Variants in LHFPL4 observed in about 807,000 individuals in gnomAD.
The protein encoded by LHFPL4 is LHFPL tetraspan subfamily member 4 protein.
LHFPL4 carries 6 observed loss-of-function variants against 20.0 expected under a neutral mutation model. The ratio of observed to expected loss-of-function variants is 0.30; its 90% CI spans 0.16 to 0.59. LHFPL4 has a LOEUF of 0.59. Among genes scored for constraint, LHFPL4 ranks in the 20% least tolerant of loss-of-function variants. The pLI is 0.88. For missense variants in LHFPL4, 215 were observed against 331.2 expected, an observed-to-expected ratio of 0.65 and a Z score of 2.72; for synonymous variants, 129 against 143.8, an observed-to-expected ratio of 0.90 and a Z score of 0.74.
chr3:9,534,841 G>A (rs2046435690), intron 2 of LHFPL4, among the ~76,000 whole-genome samples: 1 of 152,158 alleles, frequency 6.6e-6, no homozygotes, highest in Non-Finnish European at 1.5e-5. Context: ...TCTTTTGACT[G>A]AGCTTGCCAA....
intron 2 of LHFPL4, among the ~76,000 whole-genome samples, chr3:9,520,561 C>G (rs941861431): frequency 3.3e-5 from 5 of 152,034 alleles, no homozygotes; most frequent in African/African-American, 9.7e-5. Context: ...ACCATGCTAG[C>G]CAGGTTTGTC....
intron 2 of LHFPL4, among the ~76,000 whole-genome samples, chr3:9,535,530 A>AT (rs2046439459): frequency 6.8e-6 from 1 of 146,046 alleles, no homozygotes; most frequent in East Asian, 1.9e-4. Flanking sequence ...TTCTGCTCAA[A>AT]ATATATTCTC....
At chr3:9,540,289 T>C (rs9864333) in intron 2 of LHFPL4, among the ~76,000 whole-genome samples, 3,506 of 152,278 alleles carry the variant, frequency 0.023, 127 homozygotes, top group African/African-American at 0.079. Flanking sequence ...CCAAGATGTA[T>C]TGTTGAGTGA....
At chr3:9,518,065 A>G (rs1173755948) in intron 2 of LHFPL4, among the ~76,000 whole-genome samples, 3 of 152,034 alleles carry the variant, frequency 2.0e-5, no homozygotes, top group African/African-American at 4.8e-5. Flanking sequence ...TTTTTTGGCA[A>G]CTTGAGAAAA....
chr3:9,517,097 C>G (rs1188984469), intron 2 of LHFPL4, among the ~76,000 whole-genome samples: 2 of 152,132 alleles, frequency 1.3e-5, no homozygotes, highest in Non-Finnish European at 2.9e-5. Context: ...CTTTTAATTA[C>G]TATAGCTTTA....
intron 2 of LHFPL4, among the ~76,000 whole-genome samples, chr3:9,549,593 A>G (rs1446158368): frequency 6.6e-6 from 1 of 152,200 alleles, no homozygotes; most frequent in East Asian, 1.9e-4. Context: ...GCTACTCAGG[A>G]GGCTGAGGCA....
At chr3:9,511,941 T>G (rs988669227) in intron 2 of LHFPL4, among the ~76,000 whole-genome samples, 2 of 152,014 alleles carry the variant, frequency 1.3e-5, no homozygotes, top group African/African-American at 2.4e-5. Flanking sequence ...ACTGTTTTTT[T>G]TTTTTTTTTT....
intron 2 of LHFPL4, among the ~76,000 whole-genome samples, chr3:9,549,672 G>A (rs1357278282): frequency 6.6e-6 from 1 of 152,148 alleles, no homozygotes; most frequent in East Asian, 1.9e-4. Context: ...ACTCCAGCCT[G>A]GGCAACAAGA....
intron 2 of LHFPL4, among the ~76,000 whole-genome samples, chr3:9,522,493 A>C (rs1372153237): frequency 6.6e-6 from 1 of 151,586 alleles, no homozygotes; most frequent in Non-Finnish European, 1.5e-5. Context: ...TAATCCCAGC[A>C]CTTTGGGAGG....
At chr3:9,517,516 AACAG>A (rs1444404638) in intron 2 of LHFPL4, among the ~76,000 whole-genome samples, 2 of 151,648 alleles carry the variant, frequency 1.3e-5, no homozygotes, top group African/African-American at 4.8e-5. Flanking sequence ...CAGTCTGAGA[AACAG>A]ACAGAGACCC....
At position 9,542,733 on chromosome 3, in the gene LHFPL4, C is replaced by T. The variant is rs537092316; in HGVS notation, c.406+9541G>A. On this transcript the variant is annotated intron_variant, in intron 2 of 3. Transcript: ENST00000287585. Reference sequence around the variant, plus strand: ...CTGAGATGAAAGGATCGCTTGAGCCCGAGACTGAGGCTGCAGTGAGCTATG... The same window carrying T: ...CTGAGATGAAAGGATCGCTTGAGCCTGAGACTGAGGCTGCAGTGAGCTATG... 6.0e-5 allele frequency among the ~76,000 whole-genome samples: 9 copies of T among 148,942 alleles called. No homozygotes were observed. In the East Asian group the frequency reaches 9.9e-4, roughly 16 times the overall value.
chr3:9,546,732 CTCT>C (rs768254902), intron 2 of LHFPL4, among the ~76,000 whole-genome samples: 83 of 152,306 alleles, frequency 5.4e-4, no homozygotes, highest in Admixed American at 9.8e-4. Context: ...CAAGTCCAAA[CTCT>C]AAGTGTCAAA....
At chr3:9,551,003 G>A (rs909148754) in intron 2 of LHFPL4, 1 of 152,294 alleles carries the variant, frequency 6.6e-6, no homozygotes, top group South Asian at 2.1e-4. Flanking sequence ...ATGACCCATC[G>A]TATTCTCTAT....
intron 1 of LHFPL4, among the ~76,000 whole-genome samples, chr3:9,553,246 G>A (rs1256302914): frequency 2.6e-5 from 4 of 151,340 alleles, no homozygotes; most frequent in Admixed American, 2.0e-4. Context: ...GGGGAAGAGG[G>A]AATTTAAGAG....
intron 2 of LHFPL4, among the ~76,000 whole-genome samples, chr3:9,531,971 G>T (rs986378204): frequency 6.6e-6 from 1 of 152,112 alleles, no homozygotes; most frequent in Admixed American, 6.6e-5. Context: ...TTGTGCTATC[G>T]ATGTACTTTT....
intron 2 of LHFPL4, among the ~76,000 whole-genome samples, chr3:9,524,071 T>C (rs2046358670): frequency 6.6e-6 from 1 of 151,586 alleles, no homozygotes; most frequent in Admixed American, 6.6e-5. Flanking sequence ...ATCTTTGCTT[T>C]TCTATAGGTA....
At chr3:9,540,840 G>A (rs913796811) in intron 2 of LHFPL4, among the ~76,000 whole-genome samples, 8 of 151,734 alleles carry the variant, frequency 5.3e-5, no homozygotes, top group South Asian at 2.1e-4. Flanking sequence ...ACAGTGAGCC[G>A]TGATCACACC....
intron 2 of LHFPL4, among the ~76,000 whole-genome samples, chr3:9,508,365 C>G (rs2648423): frequency 0.96 from 145,952 of 152,100 alleles, 70,078 homozygotes; most frequent in Middle Eastern, 1. Context: ...TGCTCCTCCT[C>G]CAAGTCAATT....
chr3:9,537,380 A>G (rs1269560878), intron 2 of LHFPL4, among the ~76,000 whole-genome samples: 4 of 152,124 alleles, frequency 2.6e-5, no homozygotes, highest in African/African-American at 9.7e-5. Context: ...TGGGAACACA[A>G]ATAATGGCAT....
Sources: allele counts gnomAD v4.1 joint callset (sites outside exome capture counted in the v4.1 genomes callset), GRCh38; gene constraint gnomAD v4.1.1; transcripts MANE v1.5; gene names NCBI Gene and HGNC (gene_info 2026-07-23, HGNC 2026-07-21).